The following TECRL variants were observed in gnomAD, a reference collection of about 807,000 sequenced individuals.
The protein encoded by TECRL is trans-2,3-enoyl-CoA reductase-like.
Under a neutral mutation model 52.8 loss-of-function variants are expected in TECRL, and 63 were observed. The observed-to-expected ratio is 1.19, with a 90% CI of 0.97 to 1.47. The LOEUF (loss-of-function observed/expected upper bound fraction) is 1.47, where lower values mean the gene tolerates loss of function less well. TECRL is among the 40% of genes most tolerant of loss of function. TECRL has a pLI of 0.00. For synonymous variants in TECRL, 164 were observed against 141.9 expected (o/e 1.16, Z -1.10); for missense variants, 482 against 429.6 (o/e 1.12, Z -1.08).
intron 7 of TECRL, among the ~76,000 whole-genome samples, chr4:64,303,601 G>A (rs1298164139): frequency 6.6e-6 from 1 of 151,556 alleles, no homozygotes; most frequent in African/African-American, 2.4e-5. Flanking sequence ...CTGTAAAGTG[G>A]GAATACAAAC....
intron 1 of TECRL, among the ~76,000 whole-genome samples, chr4:64,396,205 C>A (rs1027991694): frequency 2.0e-5 from 3 of 152,080 alleles, no homozygotes; most frequent in African/African-American, 7.2e-5. Context: ...AATTTCTGGG[C>A]TGAATGGTAG....
chr4:64,406,147 GGCGCGC>G (rs67324937), intron 1 of TECRL, among the ~76,000 whole-genome samples: 6 of 146,556 alleles, frequency 4.1e-5, no homozygotes, highest in Admixed American at 6.8e-5. Context: ...TTATTTGTTA[GGCGCGC>G]GCGCGCGCGC....
At chr4:64,406,154 G>A (rs1468259149) in intron 1 of TECRL, among the ~76,000 whole-genome samples, 49 of 98,592 alleles carry the variant, frequency 5.0e-4, no homozygotes, top group Non-Finnish European at 1.5e-4. Context: ...TTAGGCGCGC[G>A]CGCGCGCGCG....
At chr4:64,340,097 A>G (rs897908348) in intron 2 of TECRL, among the ~76,000 whole-genome samples, 4 of 152,336 alleles carry the variant, frequency 2.6e-5, no homozygotes, top group East Asian at 1.9e-4. Context: ...GGTCATCTGT[A>G]GAGGCTGTTG....
At chr4:64,329,984 T>C (rs991125976) in intron 2 of TECRL, among the ~76,000 whole-genome samples, 2 of 151,622 alleles carry the variant, frequency 1.3e-5, no homozygotes, top group Non-Finnish European at 3.0e-5. Context: ...TTTACTGTAC[T>C]ATTTACTGTA....
intron 4 of TECRL, among the ~76,000 whole-genome samples, chr4:64,321,177 G>A (rs1403256802): frequency 2.0e-5 from 3 of 151,414 alleles, no homozygotes; most frequent in Non-Finnish European, 4.4e-5. Context: ...TTAATTACAT[G>A]GGAAATATAT....
intron 2 of TECRL, among the ~76,000 whole-genome samples, chr4:64,360,550 G>A (rs1163474984): frequency 1.3e-5 from 2 of 152,138 alleles, no homozygotes; most frequent in African/African-American, 2.4e-5. Context: ...ACTAGACGGA[G>A]TCAGGAAGAA....
At chr4:64,301,692 C>T (rs937705673) in intron 7 of TECRL, among the ~76,000 whole-genome samples, 1 of 151,150 alleles carries the variant, frequency 6.6e-6, no homozygotes, top group South Asian at 2.1e-4. Context: ...CTTCTGAGTA[C>T]ACAATTAAGC....
intron 5 of TECRL, among the ~76,000 whole-genome samples, chr4:64,310,222 T>C (rs1277027974): frequency 1.3e-5 from 2 of 152,180 alleles, no homozygotes; most frequent in Non-Finnish European, 2.9e-5. Flanking sequence ...GGAGTGGGTA[T>C]AAATATAATA....
chr4:64,316,133 G>C (rs940242393), intron 4 of TECRL, among the ~76,000 whole-genome samples: 1 of 152,040 alleles, frequency 6.6e-6, no homozygotes. Flanking sequence ...AATTGATCTA[G>C]TGAAGTCAAA....
In TECRL at chr4:64,279,865, T is replaced by G; in HGVS notation, c.*207A>C. Reference sequence around the variant, plus strand: ...TCCCATGCAAATACATTCAGAGCTGTTCTTAGTTAATTGCATTTATAATTT... The same window carrying G: ...TCCCATGCAAATACATTCAGAGCTGGTCTTAGTTAATTGCATTTATAATTT... On this transcript the variant is annotated 3_prime_UTR_variant, in exon 12 of 12. Transcript: ENST00000381210. 9.0e-7 allele frequency: 1 copy of G among 1,113,454 alleles called. No homozygotes were observed. Among genetic ancestry groups the G allele is most frequent in the African/African-American group, 1.6e-5 (1 of 60,812 alleles). The allele number at this position is 1,113,454 out of a possible 1,614,324, so 69.0% of individuals were successfully genotyped here.
intron 2 of TECRL, among the ~76,000 whole-genome samples, chr4:64,353,106 T>C (rs1720513602): frequency 6.6e-6 from 1 of 152,198 alleles, no homozygotes; most frequent in South Asian, 2.1e-4. Flanking sequence ...ATATGGTAAA[T>C]ACAGGTAAAT....
chr4:64,341,815 GT>G (rs1289154343), intron 2 of TECRL, among the ~76,000 whole-genome samples: 1 of 152,128 alleles, frequency 6.6e-6, no homozygotes, highest in African/African-American at 2.4e-5. Context: ...GCAGCTTGTG[GT>G]GTGCCTGGTC....
At chr4:64,338,919 C>T (rs1166255634) in intron 2 of TECRL, among the ~76,000 whole-genome samples, 1 of 152,118 alleles carries the variant, frequency 6.6e-6, no homozygotes, top group Non-Finnish European at 1.5e-5. Context: ...TTGACCCAGC[C>T]ATCCCATTAC....
In TECRL at chr4:64,384,434, G is replaced by A. The variant is rs115640746; in HGVS notation, c.235-9211C>T. On this transcript the variant is annotated intron_variant, in intron 1 of 11. Coordinates refer to ENST00000381210, the MANE Select transcript of TECRL (RefSeq NM_001010874.5). ...ATGAGTGCTGTTAACTGTGGTGGTG[G>A]CAGGCTGGGAGGGGCCATCCTCAGG... Among the ~76,000 whole-genome samples, 1,175 of 152,180 alleles carry A rather than the reference G, an allele frequency of 7.7e-3. 13 individuals carry two copies. The highest frequency in any genetic ancestry group is 0.027 in the African/African-American group (1,105 of 41,520).
chr4:64,399,253 T>C (rs1030059205), intron 1 of TECRL, among the ~76,000 whole-genome samples: 2 of 152,136 alleles, frequency 1.3e-5, no homozygotes, highest in African/African-American at 2.4e-5. Context: ...GTGTTCAAGA[T>C]GCACACTGGC....
intron 2 of TECRL, among the ~76,000 whole-genome samples, chr4:64,336,025 A>G (rs370321172): frequency 6.6e-6 from 1 of 152,250 alleles, no homozygotes. Flanking sequence ...CGCTGGCCTC[A>G]TAAAATGAGT....
chr4:64,380,909 T>C (rs920251715), intron 1 of TECRL, among the ~76,000 whole-genome samples: 1 of 152,134 alleles, frequency 6.6e-6, no homozygotes, highest in Non-Finnish European at 1.5e-5. Context: ...GATTTTAAGA[T>C]TGTTTTTCTA....
rs1339567386 is a variant in TECRL, at chr4:64,278,729, T to C, written c.*1343A>G. On this transcript the variant is annotated 3_prime_UTR_variant, in exon 12 of 12. Transcript: ENST00000381210. ...TATTCCTCCTACCAAGCTGTAACTT[T>C]GTATCCTTTAACAAATCTCTCTCTA... 1.3e-5 allele frequency: 2 copies of C among 152,202 alleles called. No individual in the cohort carries two copies. The highest frequency in any genetic ancestry group is 2.9e-5 in the Non-Finnish European group (2 of 68,024). The allele number at this position is 152,202 out of a possible 1,614,324, so 9.4% of individuals were successfully genotyped here.
Sources: allele counts gnomAD v4.1 joint callset (sites outside exome capture counted in the v4.1 genomes callset), GRCh38; gene constraint gnomAD v4.1.1; transcripts MANE v1.5; gene names NCBI Gene and HGNC (gene_info 2026-07-23, HGNC 2026-07-21).